Variants in TRDN observed in about 807,000 individuals in gnomAD.
TRDN encodes the protein triadin in skeletal muscle.
In TRDN, 161 loss-of-function variants were observed where a neutral mutation model predicts 149.7. The ratio of observed to expected loss-of-function variants is 1.08; its 90% confidence interval spans 0.95 to 1.23. The LOEUF is 1.23. Ranked by LOEUF, TRDN falls within the 50% of genes most tolerant of loss-of-function variation. TRDN has a pLI of 0.00. For synonymous variants in TRDN, 294 were observed against 250.5 expected, an observed-to-expected ratio of 1.17 and a Z score of -1.64; for missense variants, 896 against 823.5, an observed-to-expected ratio of 1.09 and a Z score of -1.08.
At chr6:123,221,637 C>A in intron 39 of TRDN, 115 bp from the exon 40 acceptor site, 1 of 565,030 alleles carries the variant, frequency 1.8e-6, no homozygotes, top group Non-Finnish European at 3.0e-6. Context: ...ACAGGAGTTA[C>A]CCTTTTTATA....
chr6:123,634,001 A>G (rs1292591183), intron 1 of TRDN, among the ~76,000 whole-genome samples: 2 of 152,062 alleles, frequency 1.3e-5, no homozygotes, highest in African/African-American at 2.4e-5. Flanking sequence ...TTCTAAGGTA[A>G]TGAGTTATCT....
intron 23 of TRDN, among the ~76,000 whole-genome samples, chr6:123,316,993 A>AT (rs1430864367): frequency 6.6e-6 from 1 of 151,714 alleles, no homozygotes; most frequent in Non-Finnish European, 1.5e-5. Flanking sequence ...AAATAAATCA[A>AT]TTTTACCTAA....
At chr6:123,510,260 A>G (rs1324373473) in intron 7 of TRDN, 1 of 152,110 alleles carries the variant, frequency 6.6e-6, no homozygotes, top group African/African-American at 2.4e-5. Context: ...CGGAAGATTT[A>G]TTGAAAATAT....
chr6:123,305,698 AC>A (rs1337891721), intron 24 of TRDN, among the ~76,000 whole-genome samples: 1 of 152,168 alleles, frequency 6.6e-6, no homozygotes, highest in African/African-American at 2.4e-5. Flanking sequence ...AGACTCTTAC[AC>A]CCCTCAAGGC....
chr6:123,499,720 AT>A lies in TRDN; in HGVS notation c.794-2469del, dbSNP rs1301341693. ...TTCTGGCTCAAAAAAAAAAAAAAAA[AT>A]ATATATATATATATATATATATAGT... On this transcript the variant is annotated intron_variant, in intron 8 of 40. Coordinates refer to ENST00000334268, the MANE Select transcript of TRDN (RefSeq NM_006073.4). Among the ~76,000 whole-genome samples the A allele has an allele frequency of 4.2e-3, 313 of 74,382 alleles. 8 individuals carry two copies. The highest frequency in any genetic ancestry group is 0.015 in the African/African-American group (259 of 17,514). The allele number at this position is 74,382 out of a possible 152,430, so 48.8% of individuals were successfully genotyped here.
intron 1 of TRDN, among the ~76,000 whole-genome samples, chr6:123,587,385 G>A (rs1045517777): frequency 6.6e-6 from 1 of 152,078 alleles, no homozygotes; most frequent in African/African-American, 2.4e-5. Flanking sequence ...GGAAGAGATT[G>A]AAGAGTGGAA....
At chr6:123,495,285 G>A (rs543564692) in intron 9 of TRDN, among the ~76,000 whole-genome samples, 130 of 151,876 alleles carry the variant, frequency 8.6e-4, no homozygotes, top group African/African-American at 2.9e-3. Context: ...TTGGGAGGCC[G>A]AGTCGGGCAG....
chr6:123,352,037 T>C, intron 21 of TRDN: 1 of 978,334 alleles, frequency 1.0e-6, no homozygotes, highest in Non-Finnish European at 1.2e-6. Context: ...TCAGACCTCT[T>C]GGGAGAATGG....
At chr6:123,351,296 T>C (rs1224743998) in intron 21 of TRDN, 57 of 954,088 alleles carry the variant, frequency 6.0e-5, no homozygotes, top group Non-Finnish European at 6.9e-5. Flanking sequence ...ATGTTTGCCC[T>C]ATACAACATC....
chr6:123,254,031 T>C (rs1562231544), intron 37 of TRDN, among the ~76,000 whole-genome samples: 1 of 152,142 alleles, frequency 6.6e-6, no homozygotes, highest in Non-Finnish European at 1.5e-5. Flanking sequence ...TGTTAGATTT[T>C]CTCTTATTGC....
chr6:123,302,544 C>A (rs548531848), intron 24 of TRDN, among the ~76,000 whole-genome samples: 3 of 151,962 alleles, frequency 2.0e-5, no homozygotes. Flanking sequence ...AAGACCTCAC[C>A]GTTAGTTAGC....
intron 14 of TRDN, 96 bp downstream of exon 14, chr6:123,388,426 A>C (rs533683261): frequency 3.7e-6 from 5 of 1,364,928 alleles, no homozygotes; most frequent in Non-Finnish European, 4.1e-6. Flanking sequence ...CCAGTTATCC[A>C]AGGGGAATAT....
intron 9 of TRDN, among the ~76,000 whole-genome samples, chr6:123,475,349 C>G (rs1330907646): frequency 0.087 from 6,573 of 75,816 alleles, no homozygotes; most frequent in South Asian, 0.13. Flanking sequence ...TCTCCCAAGA[C>G]TAAACCAGGA....
chr6:123,613,930 T>C (rs1002881864), intron 1 of TRDN, among the ~76,000 whole-genome samples: 3 of 152,180 alleles, frequency 2.0e-5, no homozygotes, highest in African/African-American at 7.2e-5. Context: ...CTTCTTCCTC[T>C]GGTCCTTTCT....
At position 123,609,879 on chromosome 6, in the gene TRDN, C is replaced by T. The variant is rs116674153; in HGVS notation, c.22+26875G>A. Among the ~76,000 whole-genome samples, 1,493 of 152,226 alleles carry T rather than the reference C, an allele frequency of 9.8e-3. 25 individuals are homozygous for T. Among genetic ancestry groups the T allele is most frequent in the African/African-American group, 0.034 (1,403 of 41,538 alleles). On this transcript the variant is annotated intron_variant, in intron 1 of 40. Transcript: ENST00000334268. ...CAGTCTCTATTCCTAGCTCCTTCTA[C>T]TGTATCTAGCTAAAAAAGGAGGCAC...
chr6:123,607,382 T>C (rs1198612064), intron 1 of TRDN, among the ~76,000 whole-genome samples: 2 of 152,310 alleles, frequency 1.3e-5, no homozygotes, highest in East Asian at 3.9e-4. Flanking sequence ...TATATGCCTA[T>C]GAAGAAACTC....
At chr6:123,538,509 C>T (rs1463849349) in intron 4 of TRDN, among the ~76,000 whole-genome samples, 1 of 152,126 alleles carries the variant, frequency 6.6e-6, no homozygotes, top group East Asian at 1.9e-4. Flanking sequence ...TACTACTCAC[C>T]ATTAATGAAG....
intron 10 of TRDN, among the ~76,000 whole-genome samples, chr6:123,447,324 A>T (rs1298630165): frequency 6.6e-6 from 1 of 152,202 alleles, no homozygotes; most frequent in Non-Finnish European, 1.5e-5. Flanking sequence ...TTGGAGTTTT[A>T]AAAACCTCCT....
intron 26 of TRDN, among the ~76,000 whole-genome samples, chr6:123,275,924 G>A (rs542234463): frequency 1.3e-4 from 20 of 152,248 alleles, no homozygotes; most frequent in African/African-American, 3.6e-4. Context: ...TCTAGAGACC[G>A]TGAAGTTTGG....
Sources: gnomAD v4.1 joint callset for allele counts (sites outside exome capture counted in the v4.1 genomes callset) on GRCh38, gnomAD v4.1.1 for gene constraint, MANE v1.5 for transcripts, NCBI Gene and HGNC (gene_info 2026-07-23, HGNC 2026-07-21) for gene names.